The following SUFU variants were observed in gnomAD, a reference collection of about 807,000 sequenced individuals.
SUFU encodes the protein suppressor of fused homolog.
In SUFU, 7 loss-of-function variants were observed where a neutral mutation model predicts 58.9. That is an observed-to-expected ratio of 0.12 (90% CI 0.07 to 0.22). The LOEUF is 0.22. Among genes scored for constraint, SUFU ranks in the 10% least tolerant of loss-of-function variants. The pLI is 1.00. For synonymous variants in SUFU, 232 were observed against 254.8 expected (o/e 0.91, Z 0.85); for missense variants, 451 against 641.3 (o/e 0.70, Z 3.20).
chr10:102,592,644 A>G lies in SUFU; in HGVS notation c.517A>G (p.Arg173Gly), dbSNP rs779528026. ...CAGCCCTTTGGATAACAGTGAGTCAAGAATTCAGCACATGCTGCTGACAGA... is the reference window on the plus strand; with the variant it reads ...CAGCCCTTTGGATAACAGTGAGTCAGGAATTCAGCACATGCTGCTGACAGA... ...WHSPLDNSES[R>G]IQHMLLTEDP... The change falls in exon 4 of 12, where the codon AGA (arginine) becomes GGA (glycine). Residue 173 changes from arginine to glycine, a missense_variant. Physicochemically the swap from Arg to Gly is moderately radical, Grantham distance 125. Transcript: ENST00000369902. The G allele has an allele frequency of 6.2e-7, 1 of 1,614,192 alleles. No individual in the cohort carries two copies. The highest frequency in any genetic ancestry group is 1.7e-5 in the Admixed American group (1 of 60,030).
intron 2 of SUFU, among the ~76,000 whole-genome samples, chr10:102,521,882 TG>T: frequency 6.6e-6 from 1 of 152,238 alleles, no homozygotes; most frequent in African/African-American, 2.4e-5. Flanking sequence ...TTACTAAAAA[TG>T]TTGGGAATTA....
At chr10:102,610,826 C>T (rs1370950354) in intron 8 of SUFU, among the ~76,000 whole-genome samples, 1 of 152,208 alleles carries the variant, frequency 6.6e-6, no homozygotes. Context: ...TCTTCTGCTC[C>T]TAGCTCCATG....
intron 2 of SUFU, among the ~76,000 whole-genome samples, chr10:102,547,281 C>T (rs2062865066): frequency 6.6e-6 from 1 of 152,212 alleles, no homozygotes; most frequent in Non-Finnish European, 1.5e-5. Context: ...CACACCCCTC[C>T]CAAACCTGCA....
intron 2 of SUFU, among the ~76,000 whole-genome samples, chr10:102,520,441 A>T (rs1271781280): frequency 6.6e-6 from 1 of 151,516 alleles, no homozygotes; most frequent in Non-Finnish European, 1.5e-5. Flanking sequence ...GCTGGTCTCG[A>T]ACTCCTGACC....
At chr10:102,531,491 G>A (rs1002194355) in intron 2 of SUFU, among the ~76,000 whole-genome samples, 1 of 152,018 alleles carries the variant, frequency 6.6e-6, no homozygotes, top group Non-Finnish European at 1.5e-5. Context: ...CCTTTGTTCG[G>A]CTGCTTTCAC....
At chr10:102,614,727 T>C (rs1404222930) in intron 8 of SUFU, among the ~76,000 whole-genome samples, 1 of 150,790 alleles carries the variant, frequency 6.6e-6, no homozygotes, top group Non-Finnish European at 1.5e-5. Flanking sequence ...AAGACAAAAA[T>C]TAGCTGGGTG....
At chr10:102,605,929 C>T (rs1271661770) in intron 8 of SUFU, among the ~76,000 whole-genome samples, 4 of 152,202 alleles carry the variant, frequency 2.6e-5, no homozygotes, top group African/African-American at 2.4e-5. Context: ...CCACTGCAGA[C>T]GTCATGACTC....
intron 2 of SUFU, among the ~76,000 whole-genome samples, chr10:102,509,696 T>C (rs940889691): frequency 1.3e-5 from 2 of 152,224 alleles, no homozygotes; most frequent in Non-Finnish European, 2.9e-5. Flanking sequence ...AACACTCATA[T>C]ACCCACAACC....
intron 2 of SUFU, among the ~76,000 whole-genome samples, chr10:102,523,424 G>A (rs1256056950): frequency 1.3e-5 from 2 of 152,194 alleles, no homozygotes; most frequent in Non-Finnish European, 2.9e-5. Flanking sequence ...AAGAGTAACT[G>A]CTAGAGAATG....
intron 3 of SUFU, among the ~76,000 whole-genome samples, chr10:102,580,757 G>C (rs2063268899): frequency 6.6e-6 from 1 of 152,118 alleles, no homozygotes; most frequent in Non-Finnish European, 1.5e-5. Context: ...GGGTAGCATT[G>C]TGCGGGTGTG....
At chr10:102,604,920 C>CTT (rs769490548) in intron 8 of SUFU, among the ~76,000 whole-genome samples, 1 of 86,428 alleles carries the variant, frequency 1.2e-5, no homozygotes, top group Non-Finnish European at 2.2e-5. Flanking sequence ...AAAATATTGC[C>CTT]TTTTTTTTTT....
intron 3 of SUFU, among the ~76,000 whole-genome samples, chr10:102,557,678 A>G (rs186947544): frequency 2.6e-5 from 4 of 152,234 alleles, no homozygotes; most frequent in Admixed American, 2.0e-4. Context: ...GACTGGGACA[A>G]CAAGGGTTTC....
chr10:102,531,009 A>G (rs1010496953), intron 2 of SUFU, among the ~76,000 whole-genome samples: 4 of 150,880 alleles, frequency 2.7e-5, no homozygotes, highest in Non-Finnish European at 5.9e-5. Flanking sequence ...AGGCTGAGTC[A>G]GGAGGATTGC....
intron 10 of SUFU, among the ~76,000 whole-genome samples, chr10:102,621,243 T>C (rs1406654354): frequency 6.6e-6 from 1 of 152,208 alleles, no homozygotes; most frequent in Non-Finnish European, 1.5e-5. Context: ...CAGGCATACT[T>C]ATTCTCCCTG....
At chr10:102,557,879 T>TTCG (rs1236039810) in intron 3 of SUFU, among the ~76,000 whole-genome samples, 1 of 151,966 alleles carries the variant, frequency 6.6e-6, no homozygotes, top group Non-Finnish European at 1.5e-5. Flanking sequence ...TGCTTTTAAC[T>TTCG]TCGGTGTTTT....
chr10:102,579,862 G>A, intron 3 of SUFU: 2 of 985,314 alleles, frequency 2.0e-6, no homozygotes, highest in Non-Finnish European at 2.4e-6. Context: ...AAGGTAGGTG[G>A]GTGAGGGTAG....
At chr10:102,568,969 G>T in intron 3 of SUFU, among the ~76,000 whole-genome samples, 3 of 97,600 alleles carry the variant, frequency 3.1e-5, no homozygotes, top group Middle Eastern at 9.1e-3. Context: ...TATATCTATA[G>T]CAGTGCTTGT....
At chr10:102,564,142 T>G (rs1312356514) in intron 3 of SUFU, among the ~76,000 whole-genome samples, 1 of 152,182 alleles carries the variant, frequency 6.6e-6, no homozygotes, top group Non-Finnish European at 1.5e-5. Context: ...GTAAAGGAAG[T>G]CAGGAAGGTT....
At chr10:102,573,127 G>A (rs2063179720) in intron 3 of SUFU, 3 of 777,156 alleles carry the variant, frequency 3.9e-6, no homozygotes, top group African/African-American at 3.4e-5. Context: ...TTTTGTGGCT[G>A]TGGACACCTT....
Sources: gnomAD v4.1 joint callset for allele counts (sites outside exome capture counted in the v4.1 genomes callset) on GRCh38, gnomAD v4.1.1 for gene constraint, MANE v1.5 for transcripts, NCBI Gene and HGNC (gene_info 2026-07-23, HGNC 2026-07-21) for gene names.